The following ADCY5 variants were observed in gnomAD, a reference collection of about 807,000 sequenced individuals.
The protein encoded by ADCY5 is adenylate cyclase 5.
In ADCY5, 30 loss-of-function variants were observed where a neutral mutation model predicts 119.7. The ratio of observed to expected loss-of-function variants is 0.25; its 90% CI spans 0.19 to 0.34. The LOEUF is 0.34. ADCY5 is among the 10% of genes least tolerant of loss of function. The pLI is 1.00. For missense variants in ADCY5, 1,324 were observed against 1,775.2 expected (o/e 0.75, Z 4.57); for synonymous variants, 753 against 762.2 (o/e 0.99, Z 0.20).
At chr3:123,315,721 G>C (rs1354980049) in intron 11 of ADCY5, among the ~76,000 whole-genome samples, 1 of 152,092 alleles carries the variant, frequency 6.6e-6, no homozygotes, top group Non-Finnish European at 1.5e-5. Flanking sequence ...CATTACAGGT[G>C]TGCACCACCA....
intron 14 of ADCY5, among the ~76,000 whole-genome samples, chr3:123,302,254 A>G (rs1012836697): frequency 6.6e-6 from 1 of 152,252 alleles, no homozygotes; most frequent in Admixed American, 6.5e-5. Flanking sequence ...ACGCAGTACC[A>G]TGAACGAAGC....
chr3:123,306,601 G>C (rs1940211581), intron 12 of ADCY5, among the ~76,000 whole-genome samples: 1 of 152,208 alleles, frequency 6.6e-6, no homozygotes, highest in African/African-American at 2.4e-5. Flanking sequence ...AAAAGTATTG[G>C]TGAGGATGCA....
Position 123,348,036 on chromosome 3 carries a change from A to AGCGTGTGTGTGT in ADCY5, c.1285-134_1285-133insACACACACACGC, listed in dbSNP as rs1553732238. On this transcript the variant is annotated intron_variant, in intron 2 of 20. Transcript: ENST00000462833. ...GCTCTCCCGGGACTCCTGGGTTAAC[A>AGCGTGTGTGTGT]GTGTGTGTGTGTGTGTGTGTGTGTG... 16 of 468,738 alleles carry AGCGTGTGTGTGT rather than the reference A, an allele frequency of 3.4e-5. No homozygotes were observed. In the African/African-American group the frequency reaches 4.3e-4, roughly 13 times the overall value. The allele number at this position is 468,738 out of a possible 1,614,324, so 29.0% of individuals were successfully genotyped here. A position where few individuals can be genotyped will look rare whatever the true frequency, so the allele number is the denominator to read the frequency against.
At chr3:123,295,298 A>G (rs1476679823) in intron 17 of ADCY5, among the ~76,000 whole-genome samples, 1 of 152,122 alleles carries the variant, frequency 6.6e-6, no homozygotes, top group South Asian at 2.1e-4. Flanking sequence ...GGGCCGGGCC[A>G]AGAGAGGCAG....
chr3:123,310,120 A>G (rs1160757948), intron 12 of ADCY5, among the ~76,000 whole-genome samples: 2 of 149,906 alleles, frequency 1.3e-5, no homozygotes, highest in African/African-American at 4.9e-5. Flanking sequence ...ACACACACAC[A>G]CACACACACA....
chr3:123,352,459 G>C lies in ADCY5; in HGVS notation c.1257C>G (p.Leu419=). The C allele has an allele frequency of 6.2e-7, 1 of 1,613,484 alleles. No individual in the cohort carries two copies. The highest frequency in any genetic ancestry group is 1.3e-5 in the African/African-American group (1 of 75,058). The stretch of plus-strand genomic sequence containing the variant: ...GCTGCTGGTTCTCCCGCTGCGAGTG[G>C]AGCCGCGCCTGGATGCACTCTCGGG... ...QETRECIQAR[L]HSQRENQQQE... Residue 419 remains leucine, a synonymous_variant, in exon 2 of 21, where the codon CTC becomes CTG. Coordinates refer to ENST00000462833, the MANE Select transcript of ADCY5 (RefSeq NM_183357.3). This position sits in a 1 kb window ranked among gnomAD's most constrained non-coding sequence, Gnocchi z 4.8.
intron 2 of ADCY5, among the ~76,000 whole-genome samples, chr3:123,351,592 C>T (rs2108495661): frequency 6.6e-6 from 1 of 152,258 alleles, no homozygotes; most frequent in East Asian, 1.9e-4. Flanking sequence ...GCCCCATCAC[C>T]CTGCAGACCC....
intron 1 of ADCY5, among the ~76,000 whole-genome samples, chr3:123,441,864 A>G (rs1260386821): frequency 6.6e-6 from 1 of 152,124 alleles, no homozygotes; most frequent in African/African-American, 2.4e-5. Flanking sequence ...CAGCCATCCC[A>G]AAATGCGGGC....
chr3:123,351,060 C>CAGA (rs748221397), intron 2 of ADCY5, among the ~76,000 whole-genome samples: 9 of 152,136 alleles, frequency 5.9e-5, no homozygotes, highest in Admixed American at 6.5e-5. Context: ...GATGCTGGAC[C>CAGA]AGAAGCTCAG....
chr3:123,422,650 G>A (rs540159867), intron 1 of ADCY5, among the ~76,000 whole-genome samples: 2 of 152,304 alleles, frequency 1.3e-5, no homozygotes, highest in East Asian at 3.9e-4. Flanking sequence ...GGCAGGGGGC[G>A]CTGCGAATCC....
intron 14 of ADCY5, among the ~76,000 whole-genome samples, chr3:123,300,908 C>T (rs145617472): frequency 1.3e-5 from 2 of 152,342 alleles, no homozygotes; most frequent in African/African-American, 4.8e-5. Context: ...GGAAATATGA[C>T]CATTTCATGA....
intron 16 of ADCY5, chr3:123,296,851 C>T (rs555965078): frequency 3.2e-5 from 22 of 679,176 alleles, no homozygotes; most frequent in Non-Finnish European, 7.1e-6. Context: ...CATTCCAAAT[C>T]CTACGTCTTG....
chr3:123,356,546 C>G (rs1167837066), intron 1 of ADCY5, among the ~76,000 whole-genome samples: 1 of 152,260 alleles, frequency 6.6e-6, no homozygotes, highest in East Asian at 1.9e-4. Flanking sequence ...ACAAACCTCA[C>G]AAAATATACA....
chr3:123,396,245 AAGAG>A (rs999555194), intron 1 of ADCY5, among the ~76,000 whole-genome samples: 9 of 136,622 alleles, frequency 6.6e-5, no homozygotes, highest in Non-Finnish European at 1.3e-4. Context: ...GAAAGAGAAA[AAGAG>A]AGAGGGAGGG....
At chr3:123,353,078 G>T (rs1942897645) in intron 1 of ADCY5, among the ~76,000 whole-genome samples, 1 of 152,158 alleles carries the variant, frequency 6.6e-6, no homozygotes, top group African/African-American at 2.4e-5. Flanking sequence ...AATGCTCTAG[G>T]GAACAAAAGG....
At chr3:123,397,908 G>A (rs538720386) in intron 1 of ADCY5, among the ~76,000 whole-genome samples, 2 of 152,308 alleles carry the variant, frequency 1.3e-5, no homozygotes, top group African/African-American at 2.4e-5. Flanking sequence ...TGTGGGTGTA[G>A]ACACAGCACA....
intron 1 of ADCY5, among the ~76,000 whole-genome samples, chr3:123,360,238 C>G (rs982851719): frequency 6.6e-6 from 1 of 151,976 alleles, no homozygotes; most frequent in Admixed American, 6.6e-5. Context: ...AAGGAGGTGG[C>G]CAGCTCTATA....
chr3:123,291,046 C>T (rs1939113475), intron 18 of ADCY5, 67 bp downstream of exon 18: 1 of 1,536,624 alleles, frequency 6.5e-7, no homozygotes, highest in African/African-American at 1.4e-5. Context: ...CTCTTCACAT[C>T]CCTCCCATAC....
At chr3:123,293,083 C>A (rs1487108548) in intron 17 of ADCY5, among the ~76,000 whole-genome samples, 2 of 152,216 alleles carry the variant, frequency 1.3e-5, no homozygotes, top group African/African-American at 4.8e-5. Flanking sequence ...CCAACTACTT[C>A]TGGGGCTGCG....
Sources: allele counts gnomAD v4.1 joint callset (sites outside exome capture counted in the v4.1 genomes callset), GRCh38; gene constraint gnomAD v4.1.1; non-coding constraint Gnocchi (gnomAD v3.1); transcripts MANE v1.5; gene names NCBI Gene and HGNC (gene_info 2026-07-23, HGNC 2026-07-21).